Variants in SIPA1L2 observed in about 807,000 individuals in gnomAD.
SIPA1L2 encodes the protein signal-induced proliferation-associated 1-like protein 2.
Under a neutral mutation model 163.9 loss-of-function variants are expected in SIPA1L2, and 56 were observed. The observed-to-expected ratio is 0.34, with a 90% CI of 0.28 to 0.43. The LOEUF is 0.43. Among genes scored for constraint, SIPA1L2 ranks in the 20% least tolerant of loss-of-function variants. The pLI, the probability that SIPA1L2 is intolerant of heterozygous loss-of-function variation, is 1.00. For synonymous variants in SIPA1L2, 877 were observed against 865.7 expected (o/e 1.01, Z -0.23); for missense variants, 1,974 against 2,193.5 (o/e 0.90, Z 2.00).
intron 1 of SIPA1L2, among the ~76,000 whole-genome samples, chr1:232,610,097 T>C (rs1662165219): frequency 6.6e-6 from 1 of 152,226 alleles, no homozygotes; most frequent in African/African-American, 2.4e-5. Flanking sequence ...TTTTTTCCTA[T>C]GTTTATTGTG....
intron 10 of SIPA1L2, among the ~76,000 whole-genome samples, chr1:232,453,407 G>C (rs1362147046): frequency 1.3e-5 from 2 of 152,198 alleles, no homozygotes; most frequent in African/African-American, 4.8e-5. Flanking sequence ...ACTGGAACTT[G>C]CATTTACTGG....
intron 1 of SIPA1L2, among the ~76,000 whole-genome samples, chr1:232,607,577 G>C (rs943852195): frequency 6.6e-6 from 1 of 152,008 alleles, no homozygotes; most frequent in Non-Finnish European, 1.5e-5. Context: ...AGAAGACAAG[G>C]AACGCCATGC....
intron 1 of SIPA1L2, among the ~76,000 whole-genome samples, chr1:232,601,671 A>C (rs777359658): frequency 6.6e-6 from 1 of 152,194 alleles, no homozygotes; most frequent in Admixed American, 6.5e-5. Flanking sequence ...GATGCTCTTA[A>C]ATGTTTCTGA....
At chr1:232,624,962 A>G (rs1271084230) in intron 1 of SIPA1L2, among the ~76,000 whole-genome samples, 1 of 152,240 alleles carries the variant, frequency 6.6e-6, no homozygotes, top group African/African-American at 2.4e-5. Flanking sequence ...AGGCCTCCGG[A>G]GGTCACAGAT....
intron 7 of SIPA1L2, among the ~76,000 whole-genome samples, chr1:232,476,273 T>A (rs1665040743): frequency 6.6e-6 from 1 of 152,140 alleles, no homozygotes; most frequent in Non-Finnish European, 1.5e-5. Context: ...AAGACCAGTA[T>A]CCTTTAATTA....
intron 1 of SIPA1L2, among the ~76,000 whole-genome samples, chr1:232,579,654 A>T (rs76001169): frequency 6.6e-6 from 1 of 152,238 alleles, no homozygotes; most frequent in Non-Finnish European, 1.5e-5. Flanking sequence ...AATTTCATGC[A>T]ATCTAATCTA....
chr1:232,621,403 C>T (rs1002518801), intron 1 of SIPA1L2, among the ~76,000 whole-genome samples: 2 of 152,202 alleles, frequency 1.3e-5, no homozygotes, highest in Middle Eastern at 3.4e-3. Context: ...TTCATTCTTT[C>T]CTTTCATCAT....
chr1:232,409,750 T>G (rs1451636782), intron 19 of SIPA1L2, among the ~76,000 whole-genome samples: 1 of 144,632 alleles, frequency 6.9e-6, no homozygotes, highest in African/African-American at 2.9e-5. Flanking sequence ...TGCAGCTGCA[T>G]GCAGCTGCCT....
chr1:232,490,739 G>T, intron 5 of SIPA1L2, 135 bp downstream of exon 5: 1 of 917,862 alleles, frequency 1.1e-6, no homozygotes, highest in Non-Finnish European at 1.6e-6. Flanking sequence ...AACATATTTG[G>T]GAAAAACTAA....
chr1:232,580,476 C>A (rs1297075641), intron 1 of SIPA1L2, among the ~76,000 whole-genome samples: 2 of 152,104 alleles, frequency 1.3e-5, no homozygotes, highest in Non-Finnish European at 2.9e-5. Flanking sequence ...TTTACTCAGC[C>A]CCTGTTCAAG....
Position 232,445,618 on chromosome 1 carries a change from G to T in SIPA1L2, c.3264C>A (p.Asp1088Glu), listed in dbSNP as rs753002321. The T allele has an allele frequency of 1.2e-6, 2 of 1,613,894 alleles. No individual in the cohort carries two copies. The highest frequency in any genetic ancestry group is 2.2e-5 in the South Asian group (2 of 91,074). Reference protein sequence around the residue: ...SRASPIPGTPDRLPCQQLLQQ... With the variant: ...SRASPIPGTPERLPCQQLLQQ... ...GGAGCAGCTGTTGGCACGGCAGCCG[G>T]TCGGGCGTGCCGGGGATGGGGGAAG... Residue 1088 changes from aspartate (D) to glutamate (E), a missense_variant, in exon 11 of 23, where the codon GAC (aspartate) becomes GAA (glutamate). Physicochemically the swap from Asp to Glu is conservative, Grantham distance 45 (BLOSUM62 2). Transcript: ENST00000674635.
chr1:232,603,472 G>A (rs905681748), intron 1 of SIPA1L2, among the ~76,000 whole-genome samples: 4 of 152,134 alleles, frequency 2.6e-5, no homozygotes, highest in Non-Finnish European at 4.4e-5. Context: ...AGAACGAGGC[G>A]CAGAGGTAAA....
intron 5 of SIPA1L2, among the ~76,000 whole-genome samples, chr1:232,490,372 A>G (rs1572975673): frequency 6.6e-6 from 1 of 152,136 alleles, no homozygotes; most frequent in African/African-American, 2.4e-5. Context: ...CACCTCTCCA[A>G]GATCTCTTAC....
chr1:232,611,201 C>T (rs1350720164), intron 1 of SIPA1L2, among the ~76,000 whole-genome samples: 1 of 152,296 alleles, frequency 6.6e-6, no homozygotes, highest in Admixed American at 6.5e-5. Flanking sequence ...CTGAGGCCTC[C>T]CCAGCCATGT....
At chr1:232,443,771 A>G (rs1270415776) in intron 11 of SIPA1L2, 86 bp from the exon 12 acceptor site, 5 of 980,336 alleles carry the variant, frequency 5.1e-6, no homozygotes, top group African/African-American at 1.7e-5. Context: ...ACAAATAAAT[A>G]TACTTTGAGA....
At chr1:232,525,385 G>A (rs1160817965) in intron 2 of SIPA1L2, among the ~76,000 whole-genome samples, 7 of 148,762 alleles carry the variant, frequency 4.7e-5, no homozygotes, top group Non-Finnish European at 8.9e-5. Flanking sequence ...ACAGGCACCC[G>A]CCACCAAGCC....
At chr1:232,535,819 T>C (rs1293771097) in intron 2 of SIPA1L2, among the ~76,000 whole-genome samples, 1 of 152,208 alleles carries the variant, frequency 6.6e-6, no homozygotes, top group African/African-American at 2.4e-5. Context: ...CAACAAAAAA[T>C]TGGCATTAGT....
At chr1:232,448,716 G>A (rs57063260) in intron 10 of SIPA1L2, among the ~76,000 whole-genome samples, 9,900 of 152,208 alleles carry the variant, frequency 0.065, 583 homozygotes, top group Admixed American at 0.18. Flanking sequence ...GTGCAGGGAC[G>A]GTAAGCACCA....
chr1:232,552,593 C>T (rs896894642), intron 2 of SIPA1L2, among the ~76,000 whole-genome samples: 1 of 151,916 alleles, frequency 6.6e-6, no homozygotes, highest in Non-Finnish European at 1.5e-5. Context: ...TGGTCTTGAA[C>T]TCCTGGGCTC....
Sources: gnomAD v4.1 joint callset for allele counts (sites outside exome capture counted in the v4.1 genomes callset) on GRCh38, gnomAD v4.1.1 for gene constraint, MANE v1.5 for transcripts, NCBI Gene and HGNC (gene_info 2026-07-23, HGNC 2026-07-21) for gene names.